Variants in IL1RAPL1 observed in about 807,000 individuals in gnomAD.
IL1RAPL1 encodes the protein interleukin 1 receptor accessory protein like 1.
A neutral mutation model predicts 48.4 loss-of-function variants in IL1RAPL1; 3 were observed. The ratio of observed to expected loss-of-function variants is 0.06; its 90% CI spans 0.03 to 0.16. The LOEUF is 0.16. IL1RAPL1 is among the 10% of genes least tolerant of loss of function. The probability of loss-of-function intolerance (pLI) is 1.00; values close to 1 mark genes in which losing one functional copy is unlikely to be tolerated. For synonymous variants in IL1RAPL1, 185 were observed against 187.7 expected (o/e 0.99, Z 0.12); for missense variants, 349 against 530.6 (o/e 0.66, Z 3.36).
chrX:29,526,072 G>A (rs1186767826), intron 5 of IL1RAPL1, among the ~76,000 whole-genome samples: 1 of 111,834 alleles, frequency 8.9e-6, no homozygotes, highest in Admixed American at 9.5e-5. Context: ...ACAGAGGGAG[G>A]TAAAAGAAAA....
At chrX:29,206,327 G>A (rs1448261847) in intron 2 of IL1RAPL1, among the ~76,000 whole-genome samples, 1 of 110,854 alleles carries the variant, frequency 9.0e-6, no homozygotes, top group African/African-American at 3.3e-5. Context: ...TTTTTTTCAA[G>A]AACAAAGACA....
chrX:29,154,322 C>T (rs1294998402), intron 2 of IL1RAPL1, among the ~76,000 whole-genome samples: 1 of 111,325 alleles, frequency 9.0e-6, no homozygotes, highest in Non-Finnish European at 1.9e-5. Flanking sequence ...GGTGGATCAC[C>T]TGAGATCAGG....
At chrX:29,121,215 A>T (rs1928777287) in intron 2 of IL1RAPL1, among the ~76,000 whole-genome samples, 1 of 112,220 alleles carries the variant, frequency 8.9e-6, no homozygotes, top group South Asian at 3.7e-4. Flanking sequence ...GCTTTTCAAC[A>T]TCATACTGGA....
chrX:29,109,214 T>C (rs968368879), intron 2 of IL1RAPL1, among the ~76,000 whole-genome samples: 3 of 110,484 alleles, frequency 2.7e-5, no homozygotes, highest in African/African-American at 9.9e-5. Context: ...TTTTGAAAAT[T>C]GACTTGTTTT....
chrX:29,063,003 T>G (rs1043739927), intron 2 of IL1RAPL1, among the ~76,000 whole-genome samples: 2 of 111,708 alleles, frequency 1.8e-5, no homozygotes, highest in African/African-American at 6.5e-5. Context: ...AGAAGAGCTG[T>G]ATGTAGACTT....
chrX:29,346,702 G>A (rs1032329913), intron 3 of IL1RAPL1, among the ~76,000 whole-genome samples: 5 of 112,038 alleles, frequency 4.5e-5, no homozygotes, highest in Admixed American at 1.9e-4. Flanking sequence ...ATTAATTTGC[G>A]AATGTGATAT....
chrX:29,747,799 T>G (rs893545633), intron 6 of IL1RAPL1, among the ~76,000 whole-genome samples: 24 of 112,336 alleles, frequency 2.1e-4, no homozygotes, highest in Admixed American at 1.5e-3. Flanking sequence ...GAGACAGACA[T>G]TTATAAAAGT....
At position 28,789,444 on chromosome X, in the gene IL1RAPL1, T is replaced by A; in HGVS notation, c.82+19T>A. ...GGCTCCGGTAAGCAGTATTCCTCTA[T>A]TTTTTATGTGTTTTTATAGCTTAAA... is the stretch of plus-strand genomic sequence containing the variant. On this transcript the variant is annotated intron_variant, in intron 2 of 10. Coordinates refer to ENST00000378993, the MANE Select transcript of IL1RAPL1 (RefSeq NM_014271.4). 8.9e-7 allele frequency: 1 copy of A among 1,124,679 alleles called. No homozygotes were observed. Among genetic ancestry groups the A allele is most frequent in the East Asian group, 3.0e-5 (1 of 33,440 alleles). The allele number at this position is 1,124,679 out of a possible 1,213,427, so 92.7% of individuals were successfully genotyped here.
At chrX:29,936,588 GCAAGT>G (rs928586345) in intron 8 of IL1RAPL1, among the ~76,000 whole-genome samples, 7 of 107,226 alleles carry the variant, frequency 6.5e-5, no homozygotes, top group Non-Finnish European at 1.2e-4. Flanking sequence ...ACTAAAAACT[GCAAGT>G]CAAGAGTTCA....
intron 5 of IL1RAPL1, among the ~76,000 whole-genome samples, chrX:29,514,985 G>T (rs1468652971): frequency 8.9e-6 from 1 of 112,058 alleles, no homozygotes; most frequent in African/African-American, 3.2e-5. Flanking sequence ...CAGTGTAGTG[G>T]AAGGTGTCAC....
chrX:29,257,487 C>A (rs1569271329), intron 2 of IL1RAPL1, among the ~76,000 whole-genome samples: 1 of 111,349 alleles, frequency 9.0e-6, no homozygotes. Flanking sequence ...AGTTGAATTC[C>A]AGAAGGTAGG....
At chrX:28,588,607 A>G (rs1274175142) in intron 1 of IL1RAPL1, among the ~76,000 whole-genome samples, 1 of 112,344 alleles carries the variant, frequency 8.9e-6, no homozygotes, top group African/African-American at 3.2e-5. Context: ...ATCATCGTTA[A>G]TTGTTCTCTA....
chrX:28,999,977 G>A (rs1290385810), intron 2 of IL1RAPL1, among the ~76,000 whole-genome samples: 2 of 111,411 alleles, frequency 1.8e-5, no homozygotes, highest in Non-Finnish European at 3.8e-5. Context: ...CAGAGTACCT[G>A]TGGAAATTAG....
Position 29,608,886 on chromosome X carries a change from A to C in IL1RAPL1, c.704-59544A>C, listed in dbSNP as rs771713834. Among the ~76,000 whole-genome samples, 9 of 112,126 alleles carry C rather than the reference A, an allele frequency of 8.0e-5. No homozygotes were observed. In the Admixed American group the frequency reaches 8.5e-4, roughly 11 times the overall value. ...AAATATTCAGCAATCAGCGTCATTG[A>C]CACTGACACTTGATCAGTGTCTGAA... On this transcript the variant is annotated intron_variant, in intron 5 of 10. Transcript: ENST00000378993.
intron 5 of IL1RAPL1, among the ~76,000 whole-genome samples, chrX:29,453,682 A>T (rs764603455): frequency 5.4e-5 from 6 of 111,465 alleles, no homozygotes; most frequent in Admixed American, 2.9e-4. Context: ...CTACCTTCGG[A>T]GACTCTTCAC....
intron 5 of IL1RAPL1, among the ~76,000 whole-genome samples, chrX:29,440,706 A>G (rs1174024173): frequency 8.9e-6 from 1 of 112,425 alleles, no homozygotes; most frequent in African/African-American, 3.2e-5. Context: ...AGCCTTTCCA[A>G]TATTTGTCAA....
chrX:28,914,827 T>C (rs1373690451), intron 2 of IL1RAPL1, among the ~76,000 whole-genome samples: 6 of 112,661 alleles, frequency 5.3e-5, no homozygotes, highest in African/African-American at 1.9e-4. Flanking sequence ...AGATGAACTT[T>C]CCATTAATAA....
At chrX:29,885,938 T>G (rs1349456146) in intron 6 of IL1RAPL1, among the ~76,000 whole-genome samples, 3 of 112,489 alleles carry the variant, frequency 2.7e-5, no homozygotes, top group African/African-American at 9.7e-5. Flanking sequence ...AGGAGATTTT[T>G]TACAAGTAAC....
At chrX:29,040,559 A>C (rs1926824817) in intron 2 of IL1RAPL1, among the ~76,000 whole-genome samples, 1 of 112,168 alleles carries the variant, frequency 8.9e-6, no homozygotes, top group African/African-American at 3.2e-5. Context: ...CAACTAATTG[A>C]GTGTCAAAAT....
Sources: gnomAD v4.1 joint callset for allele counts (sites outside exome capture counted in the v4.1 genomes callset) on GRCh38, gnomAD v4.1.1 for gene constraint, MANE v1.5 for transcripts, NCBI Gene and HGNC (gene_info 2026-07-23, HGNC 2026-07-21) for gene names.